The following PIBF1 variants were observed in gnomAD, a reference collection of about 807,000 sequenced individuals.
The protein encoded by PIBF1 is progesterone immunomodulatory binding factor 1, also known as progesterone-induced-blocking factor 1.
Under a neutral mutation model 112.5 loss-of-function variants are expected in PIBF1, and 90 were observed. That is an observed-to-expected ratio of 0.80 (90% CI 0.67 to 0.95). The LOEUF (loss-of-function observed/expected upper bound fraction) is 0.95. Among genes scored for constraint, PIBF1 ranks in the 40% least tolerant of loss-of-function variants. The pLI, the probability that PIBF1 is intolerant of heterozygous loss-of-function variation, is 0.00. For synonymous variants in PIBF1, 301 were observed against 288.6 expected, an observed-to-expected ratio of 1.04 and a Z score of -0.44; for missense variants, 915 against 852.3, an observed-to-expected ratio of 1.07 and a Z score of -0.92.
At chr13:72,795,814 C>G (rs1460668809) in intron 4 of PIBF1, among the ~76,000 whole-genome samples, 3 of 152,056 alleles carry the variant, frequency 2.0e-5, no homozygotes, top group African/African-American at 7.2e-5. Flanking sequence ...TTCTTACATT[C>G]TCAAAATGAA....
At chr13:72,814,100 G>C (rs1392143997) in intron 5 of PIBF1, among the ~76,000 whole-genome samples, 1 of 152,128 alleles carries the variant, frequency 6.6e-6, no homozygotes, top group African/African-American at 2.4e-5. Flanking sequence ...ACCAAGCCCA[G>C]CTCTATTTGT....
intron 9 of PIBF1, among the ~76,000 whole-genome samples, chr13:72,837,889 T>A (rs1441448123): frequency 6.6e-6 from 1 of 152,180 alleles, no homozygotes; most frequent in Non-Finnish European, 1.5e-5. Context: ...TATAACAGTT[T>A]TATGAATGTA....
At chr13:72,944,773 G>A (rs2042105522) in intron 14 of PIBF1, among the ~76,000 whole-genome samples, 1 of 151,904 alleles carries the variant, frequency 6.6e-6, no homozygotes, top group South Asian at 2.1e-4. Context: ...TTTTTTGTTG[G>A]TTGGTTTTTT....
intron 13 of PIBF1, among the ~76,000 whole-genome samples, chr13:72,927,520 T>C (rs1214771596): frequency 6.6e-6 from 1 of 151,056 alleles, no homozygotes; most frequent in Non-Finnish European, 1.5e-5. Context: ...AAAATTAAAA[T>C]AAAAAAAAGA....
rs567186882 is a variant in PIBF1, at chr13:72,916,162, G to C, written c.1640-914G>C. On this transcript the variant is annotated intron_variant, in intron 12 of 17. Transcript: ENST00000326291. ...CCAGCACTTTGGGAGGCTGAGGCAG[G>C]CAGATCACCTGAGGTTGGGAGTTTG... 3.9e-5 allele frequency among the ~76,000 whole-genome samples: 6 copies of C among 152,118 alleles called. No homozygotes were observed. In the South Asian group the frequency reaches 1.2e-3, roughly 32 times the overall value.
At chr13:72,828,426 A>T (rs2138165217) in intron 8 of PIBF1, among the ~76,000 whole-genome samples, 1 of 151,956 alleles carries the variant, frequency 6.6e-6, no homozygotes, top group South Asian at 2.1e-4. Context: ...TCCCTCCCCT[A>T]GCCCCCCACT....
chr13:72,985,371 C>CAAAAAAAAAAAAAAA (rs67195605), intron 16 of PIBF1, among the ~76,000 whole-genome samples: 19 of 76,252 alleles, frequency 2.5e-4, no homozygotes, highest in South Asian at 5.7e-4. Flanking sequence ...ACTAAAAATA[C>CAAAAAAAAAAAAAAA]AAAAAAAAAA....
At chr13:72,857,678 A>G (rs1309998833) in intron 10 of PIBF1, among the ~76,000 whole-genome samples, 3 of 152,158 alleles carry the variant, frequency 2.0e-5, no homozygotes, top group Non-Finnish European at 4.4e-5. Flanking sequence ...GTCTCTACTA[A>G]AAATGCAAAA....
chr13:72,860,780 T>A (rs2038658384), intron 10 of PIBF1, among the ~76,000 whole-genome samples: 1 of 152,216 alleles, frequency 6.6e-6, no homozygotes, highest in African/African-American at 2.4e-5. Flanking sequence ...AATGGCTTTT[T>A]ACTCAAAGAC....
intron 14 of PIBF1, among the ~76,000 whole-genome samples, chr13:72,941,728 A>C (rs1395072713): frequency 6.6e-6 from 1 of 152,200 alleles, no homozygotes; most frequent in Non-Finnish European, 1.5e-5. Flanking sequence ...GTGCATAGGT[A>C]AAATAAAGTA....
chr13:72,805,625 A>G (rs192596335), intron 5 of PIBF1, among the ~76,000 whole-genome samples: 47 of 152,244 alleles, frequency 3.1e-4, no homozygotes, highest in African/African-American at 9.2e-4. Context: ...GTTGGATACA[A>G]TATAAGCTTT....
chr13:72,999,084 A>T (rs2043775530), intron 17 of PIBF1, 89 bp downstream of exon 17: 1 of 805,094 alleles, frequency 1.2e-6, no homozygotes, highest in Non-Finnish European at 2.0e-6. Context: ...ACATTTATGA[A>T]ATGAGTAGAT....
intron 14 of PIBF1, among the ~76,000 whole-genome samples, chr13:72,964,483 T>C (rs2042687093): frequency 6.6e-6 from 1 of 152,184 alleles, no homozygotes. Flanking sequence ...AAATGGTAAA[T>C]TTTACATTAT....
chr13:72,915,311 T>G (rs1270809965), intron 12 of PIBF1, among the ~76,000 whole-genome samples: 1 of 152,152 alleles, frequency 6.6e-6, no homozygotes, highest in East Asian at 1.9e-4. Flanking sequence ...TGGGAAATAG[T>G]GGCACTCAGA....
chr13:72,831,766 T>TGGTCCAGATCTGA (rs2037127853), intron 8 of PIBF1, among the ~76,000 whole-genome samples: 1 of 152,200 alleles, frequency 6.6e-6, no homozygotes, highest in Admixed American at 6.5e-5. Context: ...TAGGTCTGCT[T>TGGTCCAGATCTGA]GGTCCAGATC....
intron 10 of PIBF1, among the ~76,000 whole-genome samples, chr13:72,868,969 G>A (rs1389791302): frequency 6.6e-6 from 1 of 152,094 alleles, no homozygotes; most frequent in East Asian, 1.9e-4. Context: ...GGAAACAACA[G>A]GTGCTGGAGA....
At position 72,933,042 on chromosome 13, in the gene PIBF1, C is replaced by G. The variant is rs923632773; in HGVS notation, c.1833+1775C>G. Among the ~76,000 whole-genome samples the G allele has an allele frequency of 5.3e-5, 8 of 152,134 alleles. No homozygotes were observed. In the South Asian group the frequency reaches 1.5e-3, roughly 28 times the overall value. ...TGTATGAAATAATAGAGAACTCCTA[C>G]AAGCTGCTGCAAGCCAAGTCCAGCA... On this transcript the variant is annotated intron_variant, in intron 14 of 17. Coordinates refer to ENST00000326291, the MANE Select transcript of PIBF1 (RefSeq NM_006346.4).
At chr13:72,833,855 C>G (rs115766893) in intron 8 of PIBF1, among the ~76,000 whole-genome samples, 12 of 152,276 alleles carry the variant, frequency 7.9e-5, no homozygotes, top group South Asian at 4.1e-4. Context: ...CCACAGGCAC[C>G]CCTTTCCCCA....
intron 10 of PIBF1, among the ~76,000 whole-genome samples, chr13:72,890,255 C>T (rs1183825812): frequency 6.6e-6 from 1 of 152,156 alleles, no homozygotes; most frequent in Non-Finnish European, 1.5e-5. Context: ...GGTTATTTCT[C>T]AGCATCCCAG....
Sources: gnomAD v4.1 joint callset for allele counts (sites outside exome capture counted in the v4.1 genomes callset) on GRCh38, gnomAD v4.1.1 for gene constraint, MANE v1.5 for transcripts, NCBI Gene and HGNC (gene_info 2026-07-23, HGNC 2026-07-21) for gene names.